TBC1D12: variants seen among roughly 807,000 people sequenced by gnomAD.
TBC1D12 encodes TBC1 domain family member 12, also known as TBC1 domain family, member 12.
A neutral mutation model predicts 86.7 loss-of-function variants in TBC1D12; 56 were observed. The observed-to-expected ratio is 0.65, with a 90% CI of 0.52 to 0.81. The LOEUF (loss-of-function observed/expected upper bound fraction) is 0.81. Ranked by LOEUF, TBC1D12 falls within the 30% of genes least tolerant of loss-of-function variation. TBC1D12 has a pLI of 0.00. For synonymous variants in TBC1D12, 421 were observed against 411.7 expected (o/e 1.02, Z -0.27); for missense variants, 1,023 against 1,038.8 (o/e 0.98, Z 0.21).
At chr10:94,478,837 A>G (rs945987514) in intron 3 of TBC1D12, among the ~76,000 whole-genome samples, 5 of 152,128 alleles carry the variant, frequency 3.3e-5, no homozygotes, top group African/African-American at 9.7e-5. Flanking sequence ...TACCTATGTC[A>G]TAGCACCTGC....
intron 1 of TBC1D12, among the ~76,000 whole-genome samples, chr10:94,433,130 G>T (rs1324887538): frequency 6.6e-6 from 1 of 151,966 alleles, no homozygotes; most frequent in African/African-American, 2.4e-5. Context: ...GCTTGAACCC[G>T]GGAGGTGGAG....
intron 1 of TBC1D12, among the ~76,000 whole-genome samples, chr10:94,434,932 C>T (rs1220251047): frequency 6.6e-6 from 1 of 152,166 alleles, no homozygotes; most frequent in Non-Finnish European, 1.5e-5. Context: ...AATACTGTTG[C>T]ATTGAGGATT....
intron 11 of TBC1D12, among the ~76,000 whole-genome samples, chr10:94,524,881 C>T (rs1842247405): frequency 6.6e-6 from 1 of 151,182 alleles, no homozygotes; most frequent in Non-Finnish European, 1.5e-5. Context: ...GGTTGGAGTG[C>T]AGTGGCGCAA....
chr10:94,440,260 C>T (rs1335813023), intron 1 of TBC1D12, among the ~76,000 whole-genome samples: 1 of 152,014 alleles, frequency 6.6e-6, no homozygotes, highest in Non-Finnish European at 1.5e-5. Flanking sequence ...TCCTTAACTC[C>T]TGGGCCCAAG....
At chr10:94,505,132 G>T (rs1240012275) in intron 6 of TBC1D12, among the ~76,000 whole-genome samples, 1 of 151,432 alleles carries the variant, frequency 6.6e-6, no homozygotes, top group Non-Finnish European at 1.5e-5. Flanking sequence ...TTAAAATTTG[G>T]GTATAATATT....
intron 5 of TBC1D12, 53 bp from the exon 6 acceptor site, chr10:94,500,168 T>A (rs2056376047): frequency 2.0e-6 from 3 of 1,512,818 alleles, no homozygotes; most frequent in Non-Finnish European, 2.7e-6. Flanking sequence ...ATGCAACTAG[T>A]ATTTTTGGTA....
At position 94,483,673 on chromosome 10, in the gene TBC1D12, C is replaced by A. The variant is rs2056113143; in HGVS notation, c.1211+8890C>A. Reference sequence around the variant, plus strand: ...TATATTCTAGTTATTATATTAATCCCTTGTCAGACAGGTAGTTTGCACATA... The same window carrying A: ...TATATTCTAGTTATTATATTAATCCATTGTCAGACAGGTAGTTTGCACATA... On this transcript the variant is annotated intron_variant, in intron 3 of 12. Transcript: ENST00000225235. Among the ~76,000 whole-genome samples, 3 of 152,008 alleles carry A rather than the reference C, an allele frequency of 2.0e-5. No homozygotes were observed. In the South Asian group the frequency reaches 6.2e-4, roughly 32 times the overall value.
chr10:94,464,171 A>T (rs955804268), intron 2 of TBC1D12, among the ~76,000 whole-genome samples: 8 of 152,100 alleles, frequency 5.3e-5, no homozygotes, highest in Non-Finnish European at 1.0e-4. Flanking sequence ...AATAGCATAT[A>T]GTTGGGTCTT....
chr10:94,507,946 C>T (rs1255130742), intron 7 of TBC1D12, among the ~76,000 whole-genome samples: 6 of 152,140 alleles, frequency 3.9e-5, no homozygotes, highest in Non-Finnish European at 8.8e-5. Context: ...GAGATCACGC[C>T]ATTGCACTCC....
chr10:94,442,142 A>T, intron 2 of TBC1D12, 123 bp downstream of exon 2: 1 of 1,118,986 alleles, frequency 8.9e-7, no homozygotes. Context: ...TTCTAGATAC[A>T]GACTTTTGGG....
chr10:94,511,506 T>C (rs2056526637), intron 8 of TBC1D12, 77 bp from the exon 9 acceptor site: 2 of 895,734 alleles, frequency 2.2e-6, no homozygotes, highest in Non-Finnish European at 3.7e-6. Context: ...AATGCTACAG[T>C]TTATTAACAT....
intron 2 of TBC1D12, among the ~76,000 whole-genome samples, chr10:94,469,150 C>T (rs2055865235): frequency 6.6e-6 from 1 of 152,208 alleles, no homozygotes; most frequent in South Asian, 2.1e-4. Context: ...AAGTATTATT[C>T]AGCCCTCAGC....
chr10:94,440,195 G>A (rs912273628), intron 1 of TBC1D12, among the ~76,000 whole-genome samples: 6 of 151,700 alleles, frequency 4.0e-5, no homozygotes, highest in Non-Finnish European at 8.8e-5. Context: ...TTGGAGGCAG[G>A]GTCTTGCTCT....
At chr10:94,526,117 C>G (rs887774764) in intron 11 of TBC1D12, among the ~76,000 whole-genome samples, 1 of 152,094 alleles carries the variant, frequency 6.6e-6, no homozygotes, top group African/African-American at 2.4e-5. Context: ...CTCTAGTATC[C>G]TCTGTTCTAC....
chr10:94,474,941 A>G (rs1378338596), intron 3 of TBC1D12, among the ~76,000 whole-genome samples, 158 bp downstream of exon 3: 1 of 152,104 alleles, frequency 6.6e-6, no homozygotes, highest in Non-Finnish European at 1.5e-5. Flanking sequence ...TTTGGGGAGA[A>G]TATATTTTTC....
intron 2 of TBC1D12, among the ~76,000 whole-genome samples, chr10:94,472,827 C>A (rs1341221041): frequency 6.6e-6 from 1 of 152,076 alleles, no homozygotes; most frequent in East Asian, 1.9e-4. Context: ...AACATAAGTG[C>A]ACACAATCCT....
intron 3 of TBC1D12, among the ~76,000 whole-genome samples, chr10:94,480,488 GT>G (rs2056061286): frequency 6.6e-6 from 1 of 152,004 alleles, no homozygotes; most frequent in Non-Finnish European, 1.5e-5. Flanking sequence ...CAATAGGTGT[GT>G]GCAAGTCATA....
chr10:94,403,933 T>C (rs1012851293), intron 1 of TBC1D12, among the ~76,000 whole-genome samples: 2 of 152,176 alleles, frequency 1.3e-5, no homozygotes, highest in Non-Finnish European at 2.9e-5. Context: ...GAAAAGCAGA[T>C]AACCATCTCC....
In TBC1D12 at chr10:94,454,018, C is replaced by A. The variant is rs200379385; in HGVS notation, c.1095+11999C>A. ...TGCCACACTGTCTTGATTATTGTAG[C>A]CTTCTGGTAAGTCTTGAATTCGAGT... On this transcript the variant is annotated intron_variant, in intron 2 of 12. Transcript: ENST00000225235. 6.6e-5 allele frequency among the ~76,000 whole-genome samples: 10 copies of A among 152,260 alleles called. No individual in the cohort carries two copies. In the East Asian group the frequency reaches 1.9e-3, roughly 29 times the overall value.
Sources: allele counts gnomAD v4.1 joint callset (sites outside exome capture counted in the v4.1 genomes callset), GRCh38; gene constraint gnomAD v4.1.1; transcripts MANE v1.5; gene names NCBI Gene and HGNC (gene_info 2026-07-23, HGNC 2026-07-21).